TASP1: variants seen among roughly 807,000 people sequenced by gnomAD.
The protein encoded by TASP1 is taspase 1.
In TASP1, 16 loss-of-function variants were observed where a neutral mutation model predicts 56.6. The observed-to-expected ratio is 0.28, with a 90% CI of 0.19 to 0.43. The LOEUF is 0.43. Among genes scored for constraint, TASP1 ranks in the 20% least tolerant of loss-of-function variants. The pLI is 1.00. For missense variants in TASP1, 393 were observed against 511.6 expected (o/e 0.77, Z 2.24); for synonymous variants, 179 against 184.2 (o/e 0.97, Z 0.23).
chr20:13,118,380 G>C, the TASP1 span, among the ~76,000 whole-genome samples: 1 of 147,938 alleles, frequency 6.8e-6, no homozygotes, highest in East Asian at 2.1e-4. Context: ...ATTCTGATCT[G>C]CTGGGATTAG....
the TASP1 span, among the ~76,000 whole-genome samples, chr20:13,269,807 G>A: frequency 1.3e-5 from 2 of 152,062 alleles, no homozygotes; most frequent in African/African-American, 4.8e-5. Flanking sequence ...TGGATTTATT[G>A]TTTATTTCCC....
At chr20:13,547,235 T>A (rs1483162043) in intron 8 of TASP1, among the ~76,000 whole-genome samples, 2 of 152,208 alleles carry the variant, frequency 1.3e-5, no homozygotes, top group African/African-American at 2.4e-5. Context: ...AGCAGATAAT[T>A]CAATTCAATT....
chr20:13,341,527 A>G, the TASP1 span, among the ~76,000 whole-genome samples: 4,287 of 151,928 alleles, frequency 0.028, 71 homozygotes, highest in Middle Eastern at 0.051. Context: ...TAAATGAGAA[A>G]ACGTGAGCTT....
At chr20:13,545,312 G>T (rs918283929) in intron 8 of TASP1, among the ~76,000 whole-genome samples, 3 of 152,092 alleles carry the variant, frequency 2.0e-5, no homozygotes, top group Admixed American at 6.6e-5. Flanking sequence ...CCATATCCTA[G>T]AAAATCGAAT....
chr20:13,538,228 T>C (rs2146926671), intron 8 of TASP1, among the ~76,000 whole-genome samples: 1 of 152,304 alleles, frequency 6.6e-6, no homozygotes, highest in Non-Finnish European at 1.5e-5. Flanking sequence ...GGTCTTGAAC[T>C]CCTGACCTCA....
At position 13,622,510 on chromosome 20, in the gene TASP1, G is replaced by C. The variant is rs369152596; in HGVS notation, c.282+936C>G. Among the ~76,000 whole-genome samples, 3 of 152,270 alleles carry C rather than the reference G, an allele frequency of 2.0e-5. No homozygotes were observed. In the East Asian group the frequency reaches 5.8e-4, roughly 29 times the overall value. On this transcript the variant is annotated intron_variant, in intron 4 of 13. Transcript: ENST00000337743. Reference sequence around the variant, plus strand: ...CCACAATTAAGCAAGAGAATATACAGAAAGCTCAGGTCCACAATTAAGCAT... The same window carrying C: ...CCACAATTAAGCAAGAGAATATACACAAAGCTCAGGTCCACAATTAAGCAT...
chr20:13,177,246 GA>G, the TASP1 span, among the ~76,000 whole-genome samples: 898 of 140,742 alleles, frequency 6.4e-3, 9 homozygotes, highest in African/African-American at 0.022. Context: ...GTCTCAAAAA[GA>G]AAAAAAAAAG....
chr20:13,612,989 T>C (rs2048399980), intron 4 of TASP1, among the ~76,000 whole-genome samples: 1 of 152,208 alleles, frequency 6.6e-6, no homozygotes. Context: ...GATGTAAATC[T>C]ATCAATTATA....
intron 6 of TASP1, among the ~76,000 whole-genome samples, chr20:13,580,325 T>C (rs2047075923): frequency 1.3e-5 from 2 of 152,106 alleles, no homozygotes; most frequent in African/African-American, 4.8e-5. Context: ...CACATGCATG[T>C]AGTCCCAGCT....
chr20:13,345,916 TAAAA>T, the TASP1 span, among the ~76,000 whole-genome samples: 50 of 101,334 alleles, frequency 4.9e-4, 2 homozygotes, highest in Admixed American at 3.2e-3. Context: ...CTCAGTAGGT[TAAAA>T]AAAAAAAAAA....
the TASP1 span, among the ~76,000 whole-genome samples, chr20:13,215,635 A>ATTTCACCC: frequency 1.3e-5 from 2 of 152,168 alleles, no homozygotes; most frequent in Admixed American, 1.3e-4. Flanking sequence ...CTATTTCACC[A>ATTTCACCC]CCGCTCCAGC....
chr20:13,389,059 A>G (rs2041187913), downstream of TASP1, among the ~76,000 whole-genome samples: 1 of 152,234 alleles, frequency 6.6e-6, no homozygotes, highest in Non-Finnish European at 1.5e-5. Context: ...CAAAAGGAAA[A>G]TCTTGGTTTT....
At chr20:13,382,655 T>C in the TASP1 span, among the ~76,000 whole-genome samples, 1 of 152,164 alleles carries the variant, frequency 6.6e-6, no homozygotes, top group Non-Finnish European at 1.5e-5. Flanking sequence ...CAAAAATTAA[T>C]AAATAACTGT....
the TASP1 span, among the ~76,000 whole-genome samples, chr20:13,277,369 C>G: frequency 7.8e-4 from 118 of 152,240 alleles, no homozygotes; most frequent in Non-Finnish European, 1.4e-3. Context: ...CCTCTCCCCT[C>G]CAAGACCCTT....
At chr20:13,406,516 G>GT (rs1238539639) in intron 13 of TASP1, among the ~76,000 whole-genome samples, 1 of 152,230 alleles carries the variant, frequency 6.6e-6, no homozygotes, top group East Asian at 1.9e-4. Context: ...GAAGTGATGA[G>GT]TGGATGCCCT....
chr20:13,293,023 C>A, the TASP1 span, among the ~76,000 whole-genome samples: 3 of 151,802 alleles, frequency 2.0e-5, no homozygotes, highest in Non-Finnish European at 2.9e-5. Flanking sequence ...GGTGAAACCC[C>A]CCCGTCTCTA....
chr20:13,405,536 T>A (rs188902548), intron 13 of TASP1, among the ~76,000 whole-genome samples: 90 of 152,278 alleles, frequency 5.9e-4, no homozygotes, highest in Non-Finnish European at 1.0e-3. Context: ...AAATTTGGTT[T>A]ATTTAATTTA....
At chr20:13,528,385 A>C (rs772690426) in intron 10 of TASP1, 48 bp downstream of exon 10, 3 of 1,524,842 alleles carry the variant, frequency 2.0e-6, no homozygotes, top group Middle Eastern at 1.7e-4. Flanking sequence ...TCATTAAATG[A>C]TTGACAAGGT....
the TASP1 span, chr20:13,238,979 C>A: frequency 2.0e-5 from 3 of 152,224 alleles, no homozygotes; most frequent in African/African-American, 4.8e-5. Flanking sequence ...CAGGAAGACA[C>A]GAACCAGGTG....
Sources: gnomAD v4.1 joint callset for allele counts (sites outside exome capture counted in the v4.1 genomes callset) on GRCh38, gnomAD v4.1.1 for gene constraint, MANE v1.5 for transcripts, NCBI Gene and HGNC (gene_info 2026-07-23, HGNC 2026-07-21) for gene names.